MAP6: variants seen among roughly 807,000 people sequenced by gnomAD.
MAP6 encodes microtubule associated protein 6.
A neutral mutation model predicts 42.4 loss-of-function variants in MAP6; 26 were observed. The ratio of observed to expected loss-of-function variants is 0.61; its 90% CI spans 0.45 to 0.85. The LOEUF (loss-of-function observed/expected upper bound fraction) is 0.85. Among genes scored for constraint, MAP6 ranks in the 40% least tolerant of loss-of-function variants. The pLI is 0.00. For missense variants in MAP6, 966 were observed against 1,099.0 expected, an observed-to-expected ratio of 0.88 and a Z score of 1.71; for synonymous variants, 418 against 443.8, an observed-to-expected ratio of 0.94 and a Z score of 0.73.
intron 1 of MAP6, among the ~76,000 whole-genome samples, chr11:75,654,541 T>C (rs1175309015): frequency 2.0e-5 from 3 of 152,214 alleles, no homozygotes; most frequent in Non-Finnish European, 4.4e-5. Flanking sequence ...TTCCTCCCAC[T>C]AGACCAGGAG....
At chr11:75,658,203 T>C (rs2135690997) in intron 1 of MAP6, among the ~76,000 whole-genome samples, 1 of 152,324 alleles carries the variant, frequency 6.6e-6, no homozygotes, top group East Asian at 1.9e-4. Flanking sequence ...TGGGTCATGG[T>C]AAATGTATGT....
rs140674867 is a variant in MAP6, at chr11:75,626,279, C to G, written c.906-17957G>C. ...GCATAAGAATCATGGAGTAGCAGAGCTGGACAGACATCTGAACACTTTCAT... is the reference window on the plus strand; with the variant it reads ...GCATAAGAATCATGGAGTAGCAGAGGTGGACAGACATCTGAACACTTTCAT... On this transcript the variant is annotated intron_variant, in intron 1 of 3. Coordinates refer to ENST00000304771, the MANE Select transcript of MAP6 (RefSeq NM_033063.2). Among the ~76,000 whole-genome samples, 6 of 152,274 alleles carry G rather than the reference C, an allele frequency of 3.9e-5. No homozygotes were observed. In the East Asian group the frequency reaches 9.6e-4, roughly 24 times the overall value.
rs73488444 is a variant in MAP6, at chr11:75,628,761, A to C, written c.906-20439T>G. On this transcript the variant is annotated intron_variant, in intron 1 of 3. Coordinates refer to ENST00000304771, the MANE Select transcript of MAP6 (RefSeq NM_033063.2). ...AATTTTGTGAAAGGGGAGGGGAAGA[A>C]CTTGACCTGGAGAATAAATTTAAAG... Among the ~76,000 whole-genome samples the C allele has an allele frequency of 6.0e-3, 910 of 152,348 alleles. 12 individuals carry two copies. The highest frequency in any genetic ancestry group is 0.021 in the African/African-American group (875 of 41,588).
intron 2 of MAP6, 133 bp from the exon 3 acceptor site, chr11:75,606,137 A>G: frequency 2.9e-6 from 3 of 1,039,062 alleles, no homozygotes; most frequent in Non-Finnish European, 4.1e-6. Flanking sequence ...AGCACAGTGC[A>G]TAAGGTGTTC....
intron 1 of MAP6, among the ~76,000 whole-genome samples, chr11:75,608,853 A>C (rs1330689865): frequency 2.0e-5 from 3 of 152,220 alleles, no homozygotes; most frequent in African/African-American, 7.2e-5. Flanking sequence ...CCCCCATTTG[A>C]ATAGCAGAGG....
chr11:75,618,107 CTTTT>C (rs111520372), intron 1 of MAP6, among the ~76,000 whole-genome samples: 6 of 108,920 alleles, frequency 5.5e-5, no homozygotes, highest in East Asian at 2.5e-4. Context: ...TAAGTTTCTG[CTTTT>C]TTTTTTTTTT....
At chr11:75,612,413 A>G (rs1435019834) in intron 1 of MAP6, among the ~76,000 whole-genome samples, 1 of 152,230 alleles carries the variant, frequency 6.6e-6, no homozygotes, top group Admixed American at 6.5e-5. Flanking sequence ...CAAATGGGAC[A>G]GGGATCAGAG....
chr11:75,605,611 CCTGCCACTCAGT>C, intron 3 of MAP6, 185 bp downstream of exon 3: 1 of 1,375,528 alleles, frequency 7.3e-7, no homozygotes, highest in South Asian at 1.6e-5. Context: ...CAGGAGGAGG[CCTGCCACTCAGT>C]CTGTGAAGCA....
At chr11:75,652,507 T>G (rs958519845) in intron 1 of MAP6, among the ~76,000 whole-genome samples, 1 of 152,140 alleles carries the variant, frequency 6.6e-6, no homozygotes, top group African/African-American at 2.4e-5. Context: ...CTCTGACTTT[T>G]CAAGTTAGAA....
intron 1 of MAP6, among the ~76,000 whole-genome samples, chr11:75,626,169 G>A (rs1943189817): frequency 6.6e-6 from 1 of 152,128 alleles, no homozygotes; most frequent in Non-Finnish European, 1.5e-5. Context: ...TCTCTGAACT[G>A]GATGCCCTAG....
intron 1 of MAP6, among the ~76,000 whole-genome samples, chr11:75,663,728 T>C (rs1943896701): frequency 6.6e-6 from 1 of 152,242 alleles, no homozygotes; most frequent in Admixed American, 6.5e-5. Context: ...GAGGCATTGC[T>C]GGGATTGACC....
Position 75,667,618 on chromosome 11 carries a change from G to A in MAP6, c.752C>T (p.Ala251Val). 1 of 1,298,562 alleles carries A rather than the reference G, an allele frequency of 7.7e-7. No individual in the cohort carries two copies. Among genetic ancestry groups the A allele is most frequent in the South Asian group, 2.5e-5 (1 of 40,778 alleles). The allele number at this position is 1,298,562 out of a possible 1,614,324, so 80.4% of individuals were successfully genotyped here. ...KAGPAWIVRR[A>V]EGLGHEQTPL... Reference sequence around the variant, plus strand: ...CGTCTGCTCGTGCCCCAGGCCCTCGGCGCGGCGCACAATCCAGGCAGGCCC... The same window carrying A: ...CGTCTGCTCGTGCCCCAGGCCCTCGACGCGGCGCACAATCCAGGCAGGCCC... Residue 251 changes from alanine (A) to valine (V), a missense_variant, in exon 1 of 4, where the codon GCC becomes GTC. Ala to Val is a moderately conservative substitution (Grantham distance 64, BLOSUM62 0). Around this residue, in one of 2 missense-constraint regions of MAP6, gnomAD observed 943 missense variants for 1,049.9 expected, o/e 0.90. Transcript: ENST00000304771. This position sits in a 1 kb window ranked among gnomAD's most constrained non-coding sequence, Gnocchi z 5.6.
At chr11:75,618,069 G>A (rs1460639652) in intron 1 of MAP6, among the ~76,000 whole-genome samples, 1 of 151,178 alleles carries the variant, frequency 6.6e-6, no homozygotes, top group Non-Finnish European at 1.5e-5. Context: ...ACACAGTACG[G>A]TACATCTAGT....
At chr11:75,629,099 T>C (rs1226449081) in intron 1 of MAP6, among the ~76,000 whole-genome samples, 2 of 152,190 alleles carry the variant, frequency 1.3e-5, no homozygotes, top group Non-Finnish European at 2.9e-5. Context: ...TTTTTATTTT[T>C]ATTTTTTGAG....
chr11:75,593,965 T>C (rs1942528979), intron 3 of MAP6: 1 of 137,760 alleles, frequency 7.3e-6, no homozygotes, highest in South Asian at 2.4e-4. Context: ...AAAAGGAAGA[T>C]TAGAAGGTCC....
At chr11:75,602,057 A>G (rs1007540491) in intron 3 of MAP6, among the ~76,000 whole-genome samples, 2 of 151,836 alleles carry the variant, frequency 1.3e-5, no homozygotes, top group African/African-American at 2.4e-5. Flanking sequence ...TTCAATCAAC[A>G]TATGTTGGAA....
At chr11:75,638,217 C>A (rs1184591115) in intron 1 of MAP6, among the ~76,000 whole-genome samples, 2 of 152,144 alleles carry the variant, frequency 1.3e-5, no homozygotes, top group African/African-American at 4.8e-5. Context: ...GTTACCACTC[C>A]CAGGAAGTGT....
At chr11:75,645,829 G>A (rs1719132570) in intron 1 of MAP6, among the ~76,000 whole-genome samples, 1 of 151,906 alleles carries the variant, frequency 6.6e-6, no homozygotes, top group East Asian at 1.9e-4. Flanking sequence ...ATTAGTGAAA[G>A]ACTGAGAAAA....
chr11:75,604,752 C>T (rs1942727014), intron 3 of MAP6: 1 of 985,296 alleles, frequency 1.0e-6, no homozygotes, highest in Admixed American at 6.2e-5. Context: ...GTCAAAGCTG[C>T]TTGCTAATTA....
Sources: allele counts gnomAD v4.1 joint callset (sites outside exome capture counted in the v4.1 genomes callset), GRCh38; gene constraint gnomAD v4.1.1; regional missense constraint gnomAD v4.1.1; non-coding constraint Gnocchi (gnomAD v3.1); transcripts MANE v1.5; gene names NCBI Gene and HGNC (gene_info 2026-07-23, HGNC 2026-07-21).